Variants in PLCB1 observed in about 807,000 individuals in gnomAD.
The protein encoded by PLCB1 is phospholipase C beta 1, also known as 1-phosphatidylinositol 4,5-bisphosphate phosphodiesterase beta-1.
In PLCB1, 46 loss-of-function variants were observed where a neutral mutation model predicts 161.8. The observed-to-expected ratio is 0.28, with a 90% CI of 0.22 to 0.36. The LOEUF (loss-of-function observed/expected upper bound fraction) is 0.36, where lower values mean the gene tolerates loss of function less well. Ranked by LOEUF, PLCB1 falls within the 10% of genes least tolerant of loss-of-function variation. The pLI is 1.00. For synonymous variants in PLCB1, 517 were observed against 503.7 expected (o/e 1.03, Z -0.35); for missense variants, 1,016 against 1,472.5 (o/e 0.69, Z 5.07).
At chr20:8,543,491 G>A (rs923764656) in intron 3 of PLCB1, among the ~76,000 whole-genome samples, 3 of 151,840 alleles carry the variant, frequency 2.0e-5, no homozygotes, top group Non-Finnish European at 4.4e-5. Flanking sequence ...AAACTTTTAA[G>A]GGTAATAGAA....
intron 23 of PLCB1, among the ~76,000 whole-genome samples, chr20:8,743,331 T>A (rs536248462): frequency 2.0e-5 from 3 of 152,202 alleles, no homozygotes; most frequent in Non-Finnish European, 4.4e-5. Flanking sequence ...TTTTTTTTCC[T>A]TCATTCTGTT....
chr20:8,529,688 C>G (rs1984723414), intron 3 of PLCB1, among the ~76,000 whole-genome samples: 1 of 152,068 alleles, frequency 6.6e-6, no homozygotes, highest in Admixed American at 6.6e-5. Flanking sequence ...AGGAAATAAG[C>G]TAGTCTCCCT....
intron 3 of PLCB1, among the ~76,000 whole-genome samples, chr20:8,419,184 T>C (rs1979428606): frequency 6.6e-6 from 1 of 152,244 alleles, no homozygotes; most frequent in African/African-American, 2.4e-5. Flanking sequence ...AATGGAAGTT[T>C]ACTTGTCTTT....
chr20:8,874,225 T>C (rs1268587699), intron 31 of PLCB1, among the ~76,000 whole-genome samples: 3 of 132,472 alleles, frequency 2.3e-5, no homozygotes, highest in Admixed American at 7.4e-5. Flanking sequence ...TATGTGTATG[T>C]ACACACACAC....
intron 2 of PLCB1, among the ~76,000 whole-genome samples, chr20:8,203,435 C>G (rs1403309793): frequency 6.6e-6 from 1 of 151,934 alleles, no homozygotes. Flanking sequence ...GAAAAAGTTA[C>G]TGAATTTTAT....
intron 1 of PLCB1, among the ~76,000 whole-genome samples, chr20:8,147,737 G>T (rs530440691): frequency 3.2e-4 from 48 of 152,220 alleles, no homozygotes; most frequent in African/African-American, 1.0e-3. Context: ...AACTGTGGCC[G>T]GAAGAGTGGG....
At chr20:8,847,021 G>A (rs1986712793) in intron 31 of PLCB1, among the ~76,000 whole-genome samples, 1 of 152,184 alleles carries the variant, frequency 6.6e-6, no homozygotes, top group South Asian at 2.1e-4. Flanking sequence ...GAGAAATACT[G>A]ATGTTTTGGT....
At chr20:8,493,986 A>G (rs558111317) in intron 3 of PLCB1, among the ~76,000 whole-genome samples, 1 of 131,820 alleles carries the variant, frequency 7.6e-6, no homozygotes, top group African/African-American at 3.5e-5. Context: ...ACCTTGGTGT[A>G]TGAGAGTCTG....
chr20:8,786,607 C>T (rs1174684063), intron 27 of PLCB1, among the ~76,000 whole-genome samples: 6 of 152,014 alleles, frequency 3.9e-5, no homozygotes, highest in South Asian at 2.1e-4. Context: ...GATGTGTCAG[C>T]GTGTTCTTAT....
At chr20:8,134,885 C>A (rs1008449715) in intron 1 of PLCB1, among the ~76,000 whole-genome samples, 6 of 150,854 alleles carry the variant, frequency 4.0e-5, no homozygotes, top group African/African-American at 1.5e-4. Context: ...AAAAAAAAAA[C>A]CTAGACTGCA....
At chr20:8,289,607 A>G (rs542428342) in intron 2 of PLCB1, among the ~76,000 whole-genome samples, 1 of 152,306 alleles carries the variant, frequency 6.6e-6, no homozygotes, top group East Asian at 1.9e-4. Flanking sequence ...CTGAATCCCA[A>G]ATGTGTCACC....
At chr20:8,557,404 A>G (rs1009512263) in intron 3 of PLCB1, among the ~76,000 whole-genome samples, 19 of 152,116 alleles carry the variant, frequency 1.2e-4, no homozygotes, top group African/African-American at 4.6e-4. Flanking sequence ...TAGAACATGG[A>G]TAAATCTTGA....
chr20:8,791,339 T>C (rs894712685), intron 31 of PLCB1, among the ~76,000 whole-genome samples: 2 of 152,118 alleles, frequency 1.3e-5, no homozygotes, highest in African/African-American at 4.8e-5. Flanking sequence ...ACTAATAAAG[T>C]GGAATAAATT....
At chr20:8,708,515 TCCAGCAG>T (rs1228918031) in intron 11 of PLCB1, among the ~76,000 whole-genome samples, 148 bp from the exon 12 acceptor site, 2 of 152,166 alleles carry the variant, frequency 1.3e-5, no homozygotes, top group African/African-American at 4.8e-5. Flanking sequence ...ATTAGCACCG[TCCAGCAG>T]CCCTCAAAAT....
chr20:8,237,142 A>C (rs1336929559), intron 2 of PLCB1, among the ~76,000 whole-genome samples: 2 of 152,114 alleles, frequency 1.3e-5, no homozygotes, highest in African/African-American at 4.8e-5. Flanking sequence ...AATTATAATG[A>C]AAGTAGGCAG....
At chr20:8,750,501 C>T (rs1264500414) in intron 23 of PLCB1, among the ~76,000 whole-genome samples, 1 of 152,194 alleles carries the variant, frequency 6.6e-6, no homozygotes, top group Non-Finnish European at 1.5e-5. Context: ...GATGCTTTCA[C>T]TTGATCACAT....
intron 18 of PLCB1, among the ~76,000 whole-genome samples, chr20:8,731,319 A>G (rs1046402559): frequency 1.3e-5 from 2 of 151,942 alleles, no homozygotes; most frequent in African/African-American, 2.4e-5. Context: ...TTATCTTTAC[A>G]TTAGAAACAA....
chr20:8,158,842 C>G lies in PLCB1; in HGVS notation c.177+8471C>G, dbSNP rs188781491. ...TCTCCTTTGACTCCGTGTCTCACATCCAGGTCACACTGATGCAAGAGATGG... is the reference window on the plus strand; with the variant it reads ...TCTCCTTTGACTCCGTGTCTCACATGCAGGTCACACTGATGCAAGAGATGG... On this transcript the variant is annotated intron_variant, in intron 2 of 31. Coordinates refer to ENST00000338037, the MANE Select transcript of PLCB1 (RefSeq NM_015192.4). Among the ~76,000 whole-genome samples, 12 of 152,340 alleles carry G rather than the reference C, an allele frequency of 7.9e-5. No individual in the cohort carries two copies. The East Asian group carries it at 2.1e-3, about 27-fold the overall frequency.
chr20:8,389,786 G>A (rs1217945717), intron 3 of PLCB1, among the ~76,000 whole-genome samples: 1 of 152,078 alleles, frequency 6.6e-6, no homozygotes, highest in Admixed American at 6.6e-5. Context: ...AGAAGCACTT[G>A]GGGAGCTTTT....
Sources: allele counts gnomAD v4.1 joint callset (sites outside exome capture counted in the v4.1 genomes callset), GRCh38; gene constraint gnomAD v4.1.1; transcripts MANE v1.5; gene names NCBI Gene and HGNC (gene_info 2026-07-23, HGNC 2026-07-21).